Variants in MKLN1 observed in about 807,000 individuals in gnomAD.
MKLN1 encodes the protein muskelin.
A neutral mutation model predicts 99.0 loss-of-function variants in MKLN1; 18 were observed. That is an observed-to-expected ratio of 0.18 (90% CI 0.13 to 0.27). The LOEUF is 0.27. Ranked by LOEUF, MKLN1 falls within the 10% of genes least tolerant of loss-of-function variation. The probability of loss-of-function intolerance (pLI) is 1.00; values close to 1 mark genes in which losing one functional copy is unlikely to be tolerated. For synonymous variants in MKLN1, 288 were observed against 293.2 expected, an observed-to-expected ratio of 0.98 and a Z score of 0.18; for missense variants, 621 against 875.9, an observed-to-expected ratio of 0.71 and a Z score of 3.67.
chr7:131,364,460 G>A (rs1375952934), intron 1 of MKLN1, among the ~76,000 whole-genome samples: 1 of 151,828 alleles, frequency 6.6e-6, no homozygotes, highest in African/African-American at 2.4e-5. Flanking sequence ...TAATGTATAA[G>A]GACTTTGGTT....
rs1208935728 is a variant in MKLN1, at chr7:131,492,935, T to TA, written c.*5210dup. Reference sequence around the variant, plus strand: ...GGGAAATTATCACTGTCTTTTTGGCTAAAGTTTTATATTGTGAACTGGATC... The same window carrying TA: ...GGGAAATTATCACTGTCTTTTTGGCTAAAAGTTTTATATTGTGAACTGGATC... On this transcript the variant is annotated 3_prime_UTR_variant, in exon 18 of 18. Coordinates refer to ENST00000352689, the MANE Select transcript of MKLN1 (RefSeq NM_013255.5). The TA allele has an allele frequency of 1.3e-5, 2 of 152,164 alleles. No homozygotes were observed. The highest frequency in any genetic ancestry group is 2.1e-4 in the South Asian group (1 of 4,830). 9.4% of individuals were successfully genotyped at this position (152,164 alleles called of 1,614,324 possible). A position where few individuals can be genotyped will look rare whatever the true frequency, so the allele number is the denominator to read the frequency against.
chr7:131,347,704 A>T (rs932541398), intron 1 of MKLN1, among the ~76,000 whole-genome samples: 3 of 152,146 alleles, frequency 2.0e-5, no homozygotes, highest in African/African-American at 7.2e-5. Context: ...GTGATTTTAA[A>T]ATCTGTTTTC....
At chr7:131,175,122 T>G (rs1244189947) in intron 2 of MKLN1, among the ~76,000 whole-genome samples, 2 of 149,628 alleles carry the variant, frequency 1.3e-5, no homozygotes, top group Non-Finnish European at 3.0e-5. Context: ...GATGGGTGGA[T>G]AGATGGATAG....
intron 3 of MKLN1, among the ~76,000 whole-genome samples, chr7:131,218,600 T>C (rs1374934108): frequency 6.6e-6 from 1 of 152,232 alleles, no homozygotes; most frequent in Non-Finnish European, 1.5e-5. Flanking sequence ...AATTTTTGTA[T>C]AGGTGGTTCC....
intron 4 of MKLN1, 84 bp from the exon 5 acceptor site, chr7:131,397,183 G>A (rs554672231): frequency 3.3e-6 from 3 of 901,434 alleles, no homozygotes; most frequent in Admixed American, 4.2e-5. Context: ...TCCTTATAAG[G>A]TTGAATAGTG....
chr7:131,165,008 T>A (rs1020971895), intron 2 of MKLN1, among the ~76,000 whole-genome samples: 1 of 152,052 alleles, frequency 6.6e-6, no homozygotes, highest in Non-Finnish European at 1.5e-5. Context: ...GATAGTATAA[T>A]GTGGTACAGA....
chr7:131,375,446 A>G lies in MKLN1; in HGVS notation c.121A>G (p.Asn41Asp), dbSNP rs1793612445. ...LPENILVDKPNDQSSRWSSES... is the reference protein window; with the variant it reads ...LPENILVDKPDDQSSRWSSES... Reference sequence around the variant, plus strand: ...CAGGAACATTTTAGTGGACAAACCAAATGACCAATCTTCAAGATGGTCTTC... The same window carrying G: ...CAGGAACATTTTAGTGGACAAACCAGATGACCAATCTTCAAGATGGTCTTC... Residue 41 changes from asparagine to aspartate, a missense_variant, in exon 2 of 18, where the codon AAT becomes GAT. This residue lies in a region of MKLN1 where 6 missense variants were observed against 23.3 expected (regional missense o/e 0.26). Coordinates refer to ENST00000352689, the MANE Select transcript of MKLN1 (RefSeq NM_013255.5). The G allele has an allele frequency of 6.2e-7, 1 of 1,611,774 alleles. No homozygotes were observed.
At chr7:131,479,490 A>G (rs190553989) in intron 17 of MKLN1, among the ~76,000 whole-genome samples, 8 of 152,256 alleles carry the variant, frequency 5.3e-5, no homozygotes, top group African/African-American at 1.9e-4. Context: ...AGATCATGCC[A>G]CTGCACTCCA....
Position 131,121,616 on chromosome 7 carries a change from G to A in MKLN1, c.-419+11409G>A, listed in dbSNP as rs1046984014. On this transcript the variant is annotated intron_variant, in intron 1 of 7. Transcript: ENST00000416992. ...ATCGCGCCACTGCACTCCAGCCTGA[G>A]TGACAGAGCAAGACTCCGTCTCAAA... 1.3e-3 allele frequency among the ~76,000 whole-genome samples: 139 copies of A among 111,108 alleles called. 1 individual carries two copies. Among genetic ancestry groups the A allele is most frequent in the African/African-American group, 4.7e-3 (132 of 28,344 alleles). 72.9% of individuals were successfully genotyped at this position (111,108 alleles called of 152,430 possible).
intron 3 of MKLN1, among the ~76,000 whole-genome samples, chr7:131,227,944 C>A (rs534501113): frequency 2.0e-5 from 3 of 152,192 alleles, no homozygotes; most frequent in African/African-American, 7.2e-5. Context: ...TCCCTTCCAG[C>A]GCGGGATGAT....
intron 1 of MKLN1, among the ~76,000 whole-genome samples, chr7:131,127,078 T>C (rs1365240809): frequency 2.0e-5 from 3 of 151,390 alleles, no homozygotes; most frequent in Admixed American, 6.6e-5. Flanking sequence ...GGCAGGAGAA[T>C]TGCTTGAGCC....
chr7:131,302,411 T>C (rs916972972), intron 3 of MKLN1, among the ~76,000 whole-genome samples: 1 of 152,178 alleles, frequency 6.6e-6, no homozygotes, highest in East Asian at 1.9e-4. Context: ...GGGAGAAAAG[T>C]GTGGAAGATC....
At position 131,351,057 on chromosome 7, in the gene MKLN1, G is replaced by A. The variant is rs148139109; in HGVS notation, c.98+23060G>A. Among the ~76,000 whole-genome samples the A allele has an allele frequency of 1.6e-3, 250 of 152,160 alleles. 2 individuals carry two copies. Among genetic ancestry groups the A allele is most frequent in the Middle Eastern group, 0.014 (4 of 294 alleles). Reference sequence around the variant, plus strand: ...GATCCAAACGCTTATTGCATTTGTTGTTATGTCCCTTTTACAATTCTTTTT... The same window carrying A: ...GATCCAAACGCTTATTGCATTTGTTATTATGTCCCTTTTACAATTCTTTTT... On this transcript the variant is annotated intron_variant, in intron 1 of 17. Coordinates refer to ENST00000352689, the MANE Select transcript of MKLN1 (RefSeq NM_013255.5).
At chr7:131,381,557 A>G (rs754826574) in intron 2 of MKLN1, among the ~76,000 whole-genome samples, 58 of 152,186 alleles carry the variant, frequency 3.8e-4, no homozygotes, top group Non-Finnish European at 3.4e-4. Flanking sequence ...CAAAAAGGAG[A>G]TAAAAGCATA....
intron 3 of MKLN1, among the ~76,000 whole-genome samples, chr7:131,217,144 TTAGTATATAAATATAATCAAAA>T (rs1796994526): frequency 1.3e-5 from 2 of 152,224 alleles, no homozygotes; most frequent in South Asian, 4.1e-4. Context: ...ATAAACTAGC[TTAGTATATAAATATAATCAAAA>T]TAGCATTCAT....
chr7:131,242,803 T>C lies in MKLN1; in HGVS notation c.-179+39829T>C, dbSNP rs541173475. On this transcript the variant is annotated intron_variant, in intron 3 of 7. Coordinates refer to the MKLN1 transcript ENST00000416992. ...TCTAAGAGGTCAAAGATCAAGTCTT[T>C]TGTGAAAGTTTATAACCACAATCAG... 7 of 671,996 alleles carry C rather than the reference T, an allele frequency of 1.0e-5. No homozygotes were observed. In the African/African-American group the frequency reaches 1.2e-4, roughly 12 times the overall value. 41.6% of individuals were successfully genotyped at this position (671,996 alleles called of 1,614,324 possible).
rs141128353 is a variant in MKLN1, at chr7:131,485,608, C to G, written c.2087-1999C>G. On this transcript the variant is annotated intron_variant, in intron 17 of 17. Transcript: ENST00000352689. Reference sequence around the variant, plus strand: ...AGTAGATGATCAAAGTTAACATCATCAGTATTGGGATAAACTGATACCACA... The same window carrying G: ...AGTAGATGATCAAAGTTAACATCATGAGTATTGGGATAAACTGATACCACA... Among the ~76,000 whole-genome samples the G allele has an allele frequency of 1.6e-4, 25 of 152,150 alleles. 1 individual carries two copies. Among genetic ancestry groups the G allele is most frequent in the Middle Eastern group, 6.8e-3 (2 of 292 alleles).
chr7:131,209,592 T>G lies in MKLN1; in HGVS notation c.-179+6618T>G, dbSNP rs183737873. Among the ~76,000 whole-genome samples the G allele has an allele frequency of 1.2e-3, 178 of 152,314 alleles. 1 individual carries two copies. Among genetic ancestry groups the G allele is most frequent in the African/African-American group, 4.1e-3 (172 of 41,570 alleles). ...AGACAGGTTGGCTGGGAACAAGAAG[T>G]GTAGAAGACTCTGATAAATCCCTCC... On this transcript the variant is annotated intron_variant, in intron 3 of 7. Transcript: ENST00000416992.
At chr7:131,390,790 C>A (rs1367562840) in intron 4 of MKLN1, among the ~76,000 whole-genome samples, 1 of 151,990 alleles carries the variant, frequency 6.6e-6, no homozygotes, top group African/African-American at 2.4e-5. Context: ...TTGACTGAAA[C>A]TTTTTACCCT....
Sources: allele counts gnomAD v4.1 joint callset (sites outside exome capture counted in the v4.1 genomes callset), GRCh38; gene constraint gnomAD v4.1.1; regional missense constraint gnomAD v4.1.1; transcripts MANE v1.5; gene names NCBI Gene and HGNC (gene_info 2026-07-23, HGNC 2026-07-21).